AMOT: variants seen among roughly 807,000 people sequenced by gnomAD.
AMOT encodes the protein angiomotin.
A neutral mutation model predicts 67.0 loss-of-function variants in AMOT; 11 were observed. The observed-to-expected ratio is 0.16, with a 90% confidence interval of 0.10 to 0.27. The LOEUF is 0.27. Ranked by LOEUF, AMOT falls within the 10% of genes least tolerant of loss-of-function variation. The pLI, the probability that AMOT is intolerant of heterozygous loss-of-function variation, is 1.00. For synonymous variants in AMOT, 326 were observed against 321.4 expected (o/e 1.01, Z -0.15); for missense variants, 753 against 852.0 (o/e 0.88, Z 1.45).
Position 112,778,636 on chromosome X carries a change from C to A in AMOT, c.3186G>T (p.Leu1062=), listed in dbSNP as rs761779861. The A allele has an allele frequency of 5.0e-6, 6 of 1,206,592 alleles. No individual in the cohort carries two copies. The East Asian group carries it at 1.8e-4, about 36-fold the overall frequency. The change falls in exon 14 of 14, where the codon CTG becomes CTT. Residue 1062 remains leucine, a synonymous_variant. Transcript: ENST00000371959. The part of the protein sequence containing the change: ...TDGPVFHSNT[L]ERKTPIQILG... ...GGATCTGAATGGGAGTTTTTCTTTC[C>A]AGAGTATTGGAGTGGAACACAGGCC... is the stretch of plus-strand genomic sequence containing the variant.
At chrX:112,796,809 A>G (rs1337765671) in intron 8 of AMOT, among the ~76,000 whole-genome samples, 1 of 111,693 alleles carries the variant, frequency 9.0e-6, no homozygotes, top group Non-Finnish European at 1.9e-5. Flanking sequence ...GGGACATTTT[A>G]GCAATGTGTG....
intron 10 of AMOT, among the ~76,000 whole-genome samples, chrX:112,784,401 A>C (rs1401893172): frequency 8.9e-6 from 1 of 112,552 alleles, no homozygotes; most frequent in Non-Finnish European, 1.9e-5. Context: ...ATAGAGGATA[A>C]AATTATGCAT....
In AMOT at chrX:112,791,960, C is replaced by A. The variant is rs139476840; in HGVS notation, c.1798G>T (p.Val600Phe). ...TGCTGCATCTTCTCCACCTTGTCAA[C>A]GTACACTTGCTTCTTTTTCAGCTGG... is the stretch of plus-strand genomic sequence containing the variant. ...EEELKKKQVY[V>F]DKVEKMQQAL... is the part of the protein sequence containing the mutation. Residue 600 changes from valine to phenylalanine, a missense_variant, in exon 9 of 14, where the codon GTT (valine) becomes TTT (phenylalanine). Transcript: ENST00000371959. 1 of 1,209,207 alleles carries A rather than the reference C, an allele frequency of 8.3e-7. No homozygotes were observed. The highest frequency in any genetic ancestry group is 1.8e-5 in the South Asian group (1 of 56,618).
At chrX:112,821,262 A>G (rs1323987392) in intron 4 of AMOT, among the ~76,000 whole-genome samples, 4 of 111,556 alleles carry the variant, frequency 3.6e-5, no homozygotes, top group East Asian at 5.7e-4. Flanking sequence ...CCTAGGACCA[A>G]GCACTTCAAA....
rs759455437 is a variant in AMOT at position 112,781,004 on chromosome X, C to T, written c.2355G>A (p.Ala785=). 3.3e-5 allele frequency: 40 copies of T among 1,211,886 alleles called. No individual in the cohort carries two copies. Among genetic ancestry groups the T allele is most frequent in the Non-Finnish European group, 4.1e-5 (37 of 895,571 alleles). ...CATTGGAAATGGACATCAGAGACTT[C>T]GCTGGCCGCATGCACGACAGCTGCT... ...KTEQLSCMRP[A]KSLMSISNAG... is the part of the protein sequence containing the mutation. The change falls in exon 12 of 14, where the codon GCG becomes GCA. Residue 785 remains alanine, a synonymous_variant. Coordinates refer to ENST00000371959, the MANE Select transcript of AMOT (RefSeq NM_001113490.2).
Position 112,778,289 on chromosome X carries a change from G to GC in AMOT, c.*277dup, listed in dbSNP as rs1932988548. ...AGCACATTGAAAACGTCGATGTATAGCCACCTGTTAACAGTCCCAGTATTC... is the reference window on the plus strand; with the variant it reads ...AGCACATTGAAAACGTCGATGTATAGCCCACCTGTTAACAGTCCCAGTATTC... On this transcript the variant is annotated 3_prime_UTR_variant, in exon 14 of 14. Coordinates refer to ENST00000371959, the MANE Select transcript of AMOT (RefSeq NM_001113490.2). The GC allele has an allele frequency of 4.6e-6, 1 of 215,599 alleles. No homozygotes were observed. Among genetic ancestry groups the GC allele is most frequent in the Non-Finnish European group, 8.4e-6 (1 of 119,046 alleles). The allele number at this position is 215,599 out of a possible 1,213,427, so 17.8% of individuals were successfully genotyped here.
chrX:112,831,452 T>TAAAG (rs1934983614), intron 2 of AMOT, among the ~76,000 whole-genome samples: 1 of 84,590 alleles, frequency 1.2e-5, no homozygotes, highest in Non-Finnish European at 2.0e-5. Flanking sequence ...TGGCAATAAA[T>TAAAG]AAATAAATAA....
rs191146053 is a variant in AMOT, at chrX:112,835,838, C to A, written c.-288-3468G>T. 1.6e-3 allele frequency among the ~76,000 whole-genome samples: 174 copies of A among 111,557 alleles called. 2 individuals carry two copies. Among genetic ancestry groups the A allele is most frequent in the Admixed American group, 8.2e-3 (86 of 10,487 alleles). On this transcript the variant is annotated intron_variant, in intron 1 of 13. Transcript: ENST00000371959. The stretch of plus-strand genomic sequence containing the variant: ...ACCTTAGGTGATCCGCCCGCCTCTG[C>A]CTCCCAAATCGCTGGGATTACAGGT...
chrX:112,777,238 C>A lies in AMOT; in HGVS notation c.*1329G>T, dbSNP rs1276605721. 1 of 111,130 alleles carries A rather than the reference C, an allele frequency of 9.0e-6. No homozygotes were observed. The highest frequency in any genetic ancestry group is 1.9e-5 in the Non-Finnish European group (1 of 52,983). The allele number at this position is 111,130 out of a possible 1,213,427, so 9.2% of individuals were successfully genotyped here. A position where few individuals can be genotyped will look rare whatever the true frequency, so the allele number is the denominator to read the frequency against. ...ACCTTAATGAAGGGCAGACAGGTGA[C>A]ACAGGGCAGGGACCTGTGGCAACTG... On this transcript the variant is annotated 3_prime_UTR_variant, in exon 14 of 14. Transcript: ENST00000371959.
intron 10 of AMOT, among the ~76,000 whole-genome samples, chrX:112,786,315 T>G (rs893194358): frequency 1.8e-5 from 2 of 112,286 alleles, no homozygotes; most frequent in Admixed American, 1.9e-4. Flanking sequence ...CATTACACAT[T>G]CTGAGAAAGG....
chrX:112,814,284 AAAAG>A (rs1161191394), intron 5 of AMOT, among the ~76,000 whole-genome samples: 4 of 110,583 alleles, frequency 3.6e-5, no homozygotes, highest in South Asian at 3.8e-4. Context: ...AAAAAAAAAA[AAAAG>A]AAAGAAAGAA....
Position 112,809,983 on chromosome X carries a change from C to T in AMOT, c.1541G>A (p.Arg514His), listed in dbSNP as rs759737027. 1.4e-5 allele frequency: 17 copies of T among 1,205,141 alleles called. No homozygotes were observed. The highest frequency in any genetic ancestry group is 8.8e-5 in the African/African-American group (5 of 57,097). ...AAGCTGCTTGTTGGCAGTCTCTAGA[C>T]GCTCTGTGAAATTTGGAGACAATCA... ...MHDFNRDLRERLETANKQLAE... is the reference protein window; with the variant it reads ...MHDFNRDLREHLETANKQLAE... Residue 514 changes from arginine (R) to histidine (H), a missense_variant, in exon 7 of 14, where the codon CGT becomes CAT. By Grantham distance (29) the Arg-to-His change is conservative. This residue lies in a region of AMOT where 297 missense variants were observed against 284.3 expected (regional missense o/e 1.04). Coordinates refer to ENST00000371959, the MANE Select transcript of AMOT (RefSeq NM_001113490.2).
At chrX:112,834,303 A>T (rs1935077589) in intron 1 of AMOT, among the ~76,000 whole-genome samples, 1 of 111,942 alleles carries the variant, frequency 8.9e-6, no homozygotes, top group Non-Finnish European at 1.9e-5. Context: ...TAAAAAACAC[A>T]TACATCAGTT....
chrX:112,790,835 G>A, intron 9 of AMOT, 53 bp from the exon 10 acceptor site: 4 of 1,036,256 alleles, frequency 3.9e-6, no homozygotes, highest in Non-Finnish European at 5.1e-6. Flanking sequence ...GAACCATGGT[G>A]TCTGAGCCCC....
chrX:112,833,703 C>T (rs1935061987), intron 1 of AMOT, among the ~76,000 whole-genome samples: 1 of 111,777 alleles, frequency 8.9e-6, no homozygotes, highest in Non-Finnish European at 1.9e-5. Flanking sequence ...GGTTTATAGC[C>T]CATGATCCAG....
intron 2 of AMOT, among the ~76,000 whole-genome samples, chrX:112,831,988 G>A (rs139278792): frequency 0.025 from 2,740 of 111,235 alleles, 32 homozygotes; most frequent in Non-Finnish European, 0.037. Context: ...GTAGTGTGGA[G>A]AGAAAAAAAG....
At chrX:112,833,618 A>G (rs760936184) in intron 1 of AMOT, among the ~76,000 whole-genome samples, 1 of 111,931 alleles carries the variant, frequency 8.9e-6, no homozygotes, top group East Asian at 2.8e-4. Flanking sequence ...AAAAAATGAA[A>G]TCTTACCTTA....
chrX:112,816,813 G>A (rs185222493), intron 4 of AMOT, among the ~76,000 whole-genome samples: 1 of 112,040 alleles, frequency 8.9e-6, no homozygotes, highest in East Asian at 2.8e-4. Context: ...CTCATAGAAA[G>A]TTCCAGAAAG....
intron 11 of AMOT, among the ~76,000 whole-genome samples, chrX:112,782,136 G>C (rs2269958): frequency 7.7e-4 from 86 of 111,605 alleles, no homozygotes; most frequent in Non-Finnish European, 4.5e-4. Context: ...TGATCCGCCC[G>C]CCTTGGCCTT....
Sources: allele counts gnomAD v4.1 joint callset (sites outside exome capture counted in the v4.1 genomes callset), GRCh38; gene constraint gnomAD v4.1.1; regional missense constraint gnomAD v4.1.1; transcripts MANE v1.5; gene names NCBI Gene and HGNC (gene_info 2026-07-23, HGNC 2026-07-21).